Variants in CTDSPL observed in about 807,000 individuals in gnomAD.
CTDSPL encodes CTD small phosphatase-like protein.
CTDSPL carries 8 observed loss-of-function variants against 30.5 expected under a neutral mutation model. The observed-to-expected ratio is 0.26, with a 90% CI of 0.15 to 0.47. The LOEUF is 0.47. Ranked by LOEUF, CTDSPL falls within the 20% of genes least tolerant of loss-of-function variation. The pLI is 0.99. For synonymous variants in CTDSPL, 110 were observed against 137.9 expected (o/e 0.80, Z 1.42); for missense variants, 248 against 366.1 (o/e 0.68, Z 2.63).
intron 1 of CTDSPL, among the ~76,000 whole-genome samples, chr3:37,890,347 C>T (rs979738876): frequency 2.6e-5 from 4 of 152,018 alleles, no homozygotes; most frequent in African/African-American, 9.7e-5. Flanking sequence ...ATGAACAGTT[C>T]TTACAATATG....
chr3:37,935,950 A>T (rs1359080154), intron 1 of CTDSPL, among the ~76,000 whole-genome samples: 2 of 152,200 alleles, frequency 1.3e-5, no homozygotes, highest in African/African-American at 4.8e-5. Context: ...CTGTTTTCTC[A>T]TCGGAAAATG....
chr3:37,904,256 G>C (rs1398233352), intron 1 of CTDSPL, among the ~76,000 whole-genome samples: 1 of 152,222 alleles, frequency 6.6e-6, no homozygotes, highest in Admixed American at 6.5e-5. Context: ...AGCTGGTTAG[G>C]GTTCTTTTCT....
intron 1 of CTDSPL, among the ~76,000 whole-genome samples, chr3:37,901,245 C>T (rs904136956): frequency 1.3e-5 from 2 of 152,204 alleles, no homozygotes; most frequent in African/African-American, 4.8e-5. Flanking sequence ...TCTGTGTATG[C>T]TCCAAAGGGA....
At chr3:37,914,580 G>A (rs1047937025) in intron 1 of CTDSPL, among the ~76,000 whole-genome samples, 1 of 152,100 alleles carries the variant, frequency 6.6e-6, no homozygotes, top group African/African-American at 2.4e-5. Flanking sequence ...TGAATCTATG[G>A]ATATGATCAT....
At chr3:37,932,254 A>G (rs1480634382) in intron 1 of CTDSPL, among the ~76,000 whole-genome samples, 1 of 152,236 alleles carries the variant, frequency 6.6e-6, no homozygotes, top group Non-Finnish European at 1.5e-5. Context: ...TTTAAAAGAT[A>G]TTTACTAGAA....
Position 37,982,172 on chromosome 3 carries a change from C to T in CTDSPL, c.*1305C>T. On this transcript the variant is annotated 3_prime_UTR_variant, in exon 8 of 8. Coordinates refer to ENST00000273179, the MANE Select transcript of CTDSPL (RefSeq NM_001008392.2). ...TTGAGAACCTGTGGCCTCAACCAGC[C>T]ACCAAGCTGATGTGGCCCAAGTCCA... The T allele has an allele frequency of 6.4e-6, 2 of 312,378 alleles. No homozygotes were observed. Among genetic ancestry groups the T allele is most frequent in the South Asian group, 2.7e-5 (1 of 37,014 alleles). 19.4% of individuals were successfully genotyped at this position (312,378 alleles called of 1,614,324 possible).
chr3:37,894,368 A>G (rs923747316), intron 1 of CTDSPL, among the ~76,000 whole-genome samples: 50 of 152,018 alleles, frequency 3.3e-4, no homozygotes, highest in Admixed American at 9.2e-4. Flanking sequence ...CCGCCTCCCA[A>G]AGCACTGGGA....
chr3:37,961,649 C>G (rs554881042), intron 3 of CTDSPL, among the ~76,000 whole-genome samples: 1 of 152,180 alleles, frequency 6.6e-6, no homozygotes, highest in Non-Finnish European at 1.5e-5. Flanking sequence ...GAAGAACATA[C>G]AAGCAGGACA....
chr3:37,899,188 A>G (rs1247730225), intron 1 of CTDSPL, among the ~76,000 whole-genome samples: 1 of 152,248 alleles, frequency 6.6e-6, no homozygotes. Context: ...CTGGAGATGT[A>G]AACTTGAGAC....
intron 1 of CTDSPL, among the ~76,000 whole-genome samples, chr3:37,945,829 C>A (rs565503661): frequency 6.6e-6 from 1 of 152,318 alleles, no homozygotes; most frequent in South Asian, 2.1e-4. Context: ...GCTTTTCAGT[C>A]CCTTTTCAGA....
intron 1 of CTDSPL, among the ~76,000 whole-genome samples, chr3:37,916,260 T>G (rs1440170430): frequency 6.6e-6 from 1 of 152,218 alleles, no homozygotes; most frequent in African/African-American, 2.4e-5. Flanking sequence ...TGAAGCAGAA[T>G]TTTTAAAGTA....
At chr3:37,921,385 G>A (rs1209902317) in intron 1 of CTDSPL, among the ~76,000 whole-genome samples, 1 of 152,154 alleles carries the variant, frequency 6.6e-6, no homozygotes, top group African/African-American at 2.4e-5. Context: ...AGGATGTAAG[G>A]GACAAGTGTC....
chr3:37,866,319 TAA>T (rs373088094), intron 1 of CTDSPL, among the ~76,000 whole-genome samples: 2 of 149,466 alleles, frequency 1.3e-5, no homozygotes, highest in African/African-American at 4.9e-5. Flanking sequence ...CCTACCTTTG[TAA>T]AAAAAAAATC....
chr3:37,921,482 C>CAG lies in CTDSPL; in HGVS notation c.80-25575_80-25574insAG, dbSNP rs1378859650. Among the ~76,000 whole-genome samples the CAG allele has an allele frequency of 7.9e-5, 12 of 152,316 alleles. No individual in the cohort carries two copies. The East Asian group carries it at 2.1e-3, about 27-fold the overall frequency. ...AGGTCGTCGGAGGTGTATCTGTCTCCTCCCCCTAGTTTGAGAGTTCCCTGA... is the reference window on the plus strand; with the variant it reads ...AGGTCGTCGGAGGTGTATCTGTCTCCAGTCCCCCTAGTTTGAGAGTTCCCTGA... On this transcript the variant is annotated intron_variant, in intron 1 of 7. Coordinates refer to ENST00000273179, the MANE Select transcript of CTDSPL (RefSeq NM_001008392.2).
At chr3:37,889,494 A>G (rs1263864545) in intron 1 of CTDSPL, among the ~76,000 whole-genome samples, 1 of 152,220 alleles carries the variant, frequency 6.6e-6, no homozygotes, top group Non-Finnish European at 1.5e-5. Flanking sequence ...GGGAGAAACA[A>G]CAAATAAAAC....
chr3:37,872,774 C>A (rs1018603159), intron 1 of CTDSPL, among the ~76,000 whole-genome samples: 3 of 151,930 alleles, frequency 2.0e-5, no homozygotes, highest in Non-Finnish European at 4.4e-5. Flanking sequence ...GGGGTTTCAC[C>A]ACGTTGGCCA....
chr3:37,969,571 A>G (rs953984627), intron 5 of CTDSPL: 3 of 368,592 alleles, frequency 8.1e-6, no homozygotes, highest in South Asian at 2.0e-5. Context: ...TGCCCTTTGC[A>G]TGTAGCAAAG....
intron 1 of CTDSPL, among the ~76,000 whole-genome samples, chr3:37,940,309 A>G (rs1464564278): frequency 6.6e-6 from 1 of 150,572 alleles, no homozygotes; most frequent in Non-Finnish European, 1.5e-5. Context: ...ACCACCTAGC[A>G]TCAGAGCTTA....
rs1421014368 is a variant in CTDSPL at position 37,862,189 on chromosome 3, G to T, written c.-11G>T. ...GGCCGGGCCTGCGGGCGGCCGCCGC[G>T]CCGCGCACCCATGGACGGCCCGGCC... On this transcript the variant is annotated 5_prime_UTR_variant, in exon 1 of 8. Transcript: ENST00000273179. The surrounding 1 kb of genome is among the most constrained non-coding windows in gnomAD (Gnocchi z 4.3). 2 of 1,196,116 alleles carry T rather than the reference G, an allele frequency of 1.7e-6. No homozygotes were observed. The highest frequency in any genetic ancestry group is 1.0e-6 in the Non-Finnish European group (1 of 961,774). 74.1% of individuals were successfully genotyped at this position (1,196,116 alleles called of 1,614,324 possible). A position where few individuals can be genotyped will look rare whatever the true frequency, so the allele number is the denominator to read the frequency against.
Sources: allele counts gnomAD v4.1 joint callset (sites outside exome capture counted in the v4.1 genomes callset), GRCh38; gene constraint gnomAD v4.1.1; non-coding constraint Gnocchi (gnomAD v3.1); transcripts MANE v1.5; gene names NCBI Gene and HGNC (gene_info 2026-07-23, HGNC 2026-07-21).